The following HAO1 variants were observed in gnomAD, a reference collection of about 807,000 sequenced individuals.
The protein encoded by HAO1 is 2-Hydroxyacid oxidase 1.
In HAO1, 34 loss-of-function variants were observed where a neutral mutation model predicts 39.7. The observed-to-expected ratio is 0.86, with a 90% CI of 0.65 to 1.14. HAO1 has a LOEUF of 1.14. Among genes scored for constraint, HAO1 ranks in the 50% most tolerant of loss-of-function variants. HAO1 has a pLI of 0.00. For synonymous variants in HAO1, 172 were observed against 173.2 expected, an observed-to-expected ratio of 0.99 and a Z score of 0.05; for missense variants, 479 against 464.5, an observed-to-expected ratio of 1.03 and a Z score of -0.29.
chr20:7,895,072 A>G lies in HAO1; in HGVS notation c.813+61T>C, dbSNP rs2050190274. 4 of 997,984 alleles carry G rather than the reference A, an allele frequency of 4.0e-6. No individual in the cohort carries two copies. The South Asian group carries it at 5.1e-5, about 13-fold the overall frequency. 61.8% of individuals were successfully genotyped at this position (997,984 alleles called of 1,614,324 possible). On this transcript the variant is annotated intron_variant, in intron 5 of 7. Coordinates refer to ENST00000378789, the MANE Select transcript of HAO1 (RefSeq NM_017545.3). The stretch of plus-strand genomic sequence containing the variant: ...ACAGAGAGGAGGAAGACATAGAGAT[A>G]GTAACACAGTGATGGAAATGGGAAC...
intron 4 of HAO1, among the ~76,000 whole-genome samples, chr20:7,903,119 C>T (rs2050228198): frequency 1.3e-5 from 2 of 152,208 alleles, no homozygotes; most frequent in South Asian, 4.1e-4. Context: ...CCACTGCTCC[C>T]TTCCGATCCA....
intron 5 of HAO1, among the ~76,000 whole-genome samples, chr20:7,890,022 A>G (rs1185162278): frequency 6.6e-6 from 1 of 152,082 alleles, no homozygotes; most frequent in Non-Finnish European, 1.5e-5. Context: ...GCCTCCCCCA[A>G]GACCTTTACC....
At chr20:7,935,989 T>C (rs1477623275) in intron 1 of HAO1, among the ~76,000 whole-genome samples, 7 of 152,024 alleles carry the variant, frequency 4.6e-5, no homozygotes. Flanking sequence ...TATGATATAG[T>C]AATGCAGTAA....
intron 2 of HAO1, among the ~76,000 whole-genome samples, chr20:7,915,115 C>G (rs1161174724): frequency 6.6e-6 from 1 of 151,204 alleles, no homozygotes; most frequent in Non-Finnish European, 1.5e-5. Context: ...AGTGAAACTA[C>G]ATCTCAAAAA....
chr20:7,920,584 C>T lies in HAO1; in HGVS notation c.290-6165G>A, dbSNP rs546635051. ...AATATGTCACTTTCCTCATTCTTTT[C>T]CTTCCTCTCCCAGCCTCTGGTAGCC... On this transcript the variant is annotated intron_variant, in intron 2 of 7. Coordinates refer to ENST00000378789, the MANE Select transcript of HAO1 (RefSeq NM_017545.3). Among the ~76,000 whole-genome samples, 6 of 152,236 alleles carry T rather than the reference C, an allele frequency of 3.9e-5. No individual in the cohort carries two copies. The South Asian group carries it at 1.0e-3, about 26-fold the overall frequency.
chr20:7,932,396 T>A (rs771570747), intron 2 of HAO1, among the ~76,000 whole-genome samples: 96 of 152,218 alleles, frequency 6.3e-4, no homozygotes, highest in Non-Finnish European at 8.2e-4. Context: ...TTCCTTTCTT[T>A]ATTTCCATTC....
chr20:7,929,283 T>TA lies in HAO1; in HGVS notation c.289+5200dup, dbSNP rs535934716. Among the ~76,000 whole-genome samples the TA allele has an allele frequency of 6.0e-4, 91 of 152,292 alleles. 1 individual carries two copies. In the South Asian group the frequency reaches 0.017, roughly 29 times the overall value. The stretch of plus-strand genomic sequence containing the variant: ...AAAGTGAGTTTTTGTGTGTGAAAGA[T>TA]AAAGATTTCAGAGACTTTGGGCTCT... On this transcript the variant is annotated intron_variant, in intron 2 of 7. Transcript: ENST00000378789.
chr20:7,936,978 C>T (rs985165383), intron 1 of HAO1, among the ~76,000 whole-genome samples: 1 of 152,136 alleles, frequency 6.6e-6, no homozygotes, highest in Non-Finnish European at 1.5e-5. Flanking sequence ...TCGGACTGTG[C>T]TTTCCTGGGC....
chr20:7,905,794 G>T (rs2122767841), intron 4 of HAO1, among the ~76,000 whole-genome samples: 1 of 152,198 alleles, frequency 6.6e-6, no homozygotes, highest in South Asian at 2.1e-4. Flanking sequence ...TCTCCTTGGG[G>T]CTTCTCTTTG....
At chr20:7,932,615 G>A (rs1023379914) in intron 2 of HAO1, among the ~76,000 whole-genome samples, 1 of 152,082 alleles carries the variant, frequency 6.6e-6, no homozygotes, top group Non-Finnish European at 1.5e-5. Flanking sequence ...ACTATTGTTT[G>A]CAACTGATTT....
intron 4 of HAO1, among the ~76,000 whole-genome samples, chr20:7,897,047 C>A (rs1306757072): frequency 1.3e-5 from 2 of 152,246 alleles, no homozygotes; most frequent in Admixed American, 1.3e-4. Flanking sequence ...AACTTACAGA[C>A]CACCTAAATA....
At chr20:7,910,014 G>C (rs1447126778) in intron 3 of HAO1, among the ~76,000 whole-genome samples, 2 of 152,150 alleles carry the variant, frequency 1.3e-5, no homozygotes, top group Admixed American at 1.3e-4. Flanking sequence ...TCAAATCCCG[G>C]TTCAGCCTCT....
At chr20:7,928,412 T>C (rs911434198) in intron 2 of HAO1, among the ~76,000 whole-genome samples, 9 of 152,022 alleles carry the variant, frequency 5.9e-5, no homozygotes, top group African/African-American at 2.2e-4. Context: ...ATTTATATAC[T>C]GAAAAAAATT....
chr20:7,905,725 C>T (rs760437790), intron 4 of HAO1, among the ~76,000 whole-genome samples: 9 of 152,140 alleles, frequency 5.9e-5, no homozygotes, highest in Admixed American at 2.0e-4. Flanking sequence ...GCCATTTGTA[C>T]TGGAGGGAGC....
At chr20:7,934,773 T>C (rs2050402525) in intron 1 of HAO1, 138 bp from the exon 2 acceptor site, 2 of 545,720 alleles carry the variant, frequency 3.7e-6, no homozygotes, top group Admixed American at 3.6e-5. Context: ...ATAAAGCTAA[T>C]GGAAAAGAGG....
chr20:7,897,913 G>A (rs1443228472), intron 4 of HAO1, among the ~76,000 whole-genome samples: 3 of 150,816 alleles, frequency 2.0e-5, no homozygotes, highest in South Asian at 2.1e-4. Flanking sequence ...GTCCTTGTCT[G>A]GAGTGGAAAT....
At chr20:7,911,604 A>G (rs778350088) in intron 3 of HAO1, among the ~76,000 whole-genome samples, 43 of 152,270 alleles carry the variant, frequency 2.8e-4, no homozygotes, top group Non-Finnish European at 5.6e-4. Context: ...TTAATAATGT[A>G]TACACATACA....
chr20:7,924,899 T>G (rs1204387875), intron 2 of HAO1, among the ~76,000 whole-genome samples: 1 of 152,182 alleles, frequency 6.6e-6, no homozygotes, highest in Non-Finnish European at 1.5e-5. Context: ...TTTTGTCATC[T>G]GCACAGGAAG....
intron 3 of HAO1, among the ~76,000 whole-genome samples, chr20:7,908,197 C>A (rs1299547957): frequency 6.6e-6 from 1 of 152,012 alleles, no homozygotes; most frequent in East Asian, 1.9e-4. Flanking sequence ...CAAGACCAGT[C>A]TGGCCAGCAT....
Sources: gnomAD v4.1 joint callset for allele counts (sites outside exome capture counted in the v4.1 genomes callset) on GRCh38, gnomAD v4.1.1 for gene constraint, MANE v1.5 for transcripts, NCBI Gene and HGNC (gene_info 2026-07-23, HGNC 2026-07-21) for gene names.